Variants in CCDC148 observed in about 807,000 individuals in gnomAD.
CCDC148 encodes coiled-coil domain-containing protein 148.
In CCDC148, 89 loss-of-function variants were observed where a neutral mutation model predicts 85.7. That is an observed-to-expected ratio of 1.04 (90% CI 0.87 to 1.24). The LOEUF is 1.24. Among genes scored for constraint, CCDC148 ranks in the 50% most tolerant of loss-of-function variants. The pLI is 0.00. For missense variants in CCDC148, 692 were observed against 671.7 expected (o/e 1.03, Z -0.33); for synonymous variants, 230 against 213.9 (o/e 1.08, Z -0.66).
intron 1 of CCDC148, among the ~76,000 whole-genome samples, chr2:158,358,989 C>T (rs1393710993): frequency 6.6e-6 from 1 of 152,156 alleles, no homozygotes; most frequent in East Asian, 1.9e-4. Flanking sequence ...GTCATAGATG[C>T]ATTTTTAACT....
At chr2:158,413,341 A>G (rs1284290699) in intron 1 of CCDC148, among the ~76,000 whole-genome samples, 1 of 152,170 alleles carries the variant, frequency 6.6e-6, no homozygotes, top group African/African-American at 2.4e-5. Context: ...TGGTCACTTC[A>G]GTGGGCTATC....
At chr2:158,282,541 G>C (rs2105177342) in intron 9 of CCDC148, among the ~76,000 whole-genome samples, 2 of 152,206 alleles carry the variant, frequency 1.3e-5, no homozygotes, top group East Asian at 3.9e-4. Flanking sequence ...GCTTCAAAGA[G>C]AATAAAATAC....
At chr2:158,335,027 A>G (rs1415872603) in intron 7 of CCDC148, among the ~76,000 whole-genome samples, 1 of 152,132 alleles carries the variant, frequency 6.6e-6, no homozygotes, top group Non-Finnish European at 1.5e-5. Flanking sequence ...CTAGAAAGCC[A>G]AGTCACACTG....
At chr2:158,405,859 C>T (rs1285647503) in intron 1 of CCDC148, among the ~76,000 whole-genome samples, 14 of 151,944 alleles carry the variant, frequency 9.2e-5, no homozygotes, top group Admixed American at 9.2e-4. Context: ...GAAAGAATGG[C>T]TAGCATTCAT....
chr2:158,224,395 G>C (rs1377799701), intron 10 of CCDC148, among the ~76,000 whole-genome samples: 1 of 152,220 alleles, frequency 6.6e-6, no homozygotes, highest in African/African-American at 2.4e-5. Flanking sequence ...CACTCTGCAG[G>C]ATATTATCCA....
rs77205940 is a variant in CCDC148, at chr2:158,372,606, C to A, written c.26-14036G>T. 6.4e-3 allele frequency among the ~76,000 whole-genome samples: 981 copies of A among 152,096 alleles called. 14 individuals carry two copies. The highest frequency in any genetic ancestry group is 0.022 in the African/African-American group (933 of 41,532). On this transcript the variant is annotated intron_variant, in intron 1 of 13. Transcript: ENST00000283233. The stretch of plus-strand genomic sequence containing the variant: ...ACCTGCTTCCCCTTGGTCCCTTTTA[C>A]GCCTAACCTCTCTGACAGCTGCAGG...
intron 10 of CCDC148, among the ~76,000 whole-genome samples, chr2:158,247,443 C>T (rs965225914): frequency 6.6e-6 from 1 of 152,132 alleles, no homozygotes; most frequent in African/African-American, 2.4e-5. Flanking sequence ...CCTGAACACA[C>T]GCATCAGTAC....
chr2:158,284,449 G>T (rs1690517762), intron 9 of CCDC148, among the ~76,000 whole-genome samples: 2 of 151,664 alleles, frequency 1.3e-5, no homozygotes, highest in Admixed American at 6.6e-5. Flanking sequence ...TCTCCTTTTG[G>T]AAATTTGGAT....
chr2:158,172,252 G>A lies in CCDC148; in HGVS notation c.1637C>T (p.Ser546Phe). 6.3e-7 allele frequency: 1 copy of A among 1,596,112 alleles called. No individual in the cohort carries two copies. Among genetic ancestry groups the A allele is most frequent in the Non-Finnish European group, 8.5e-7 (1 of 1,171,168 alleles). The change falls in exon 14 of 14, where the codon TCT becomes TTT. Residue 546 changes from serine to phenylalanine, a missense_variant. Transcript: ENST00000283233. ...LNTYNEQQIISDPRLRFELAL... is the reference protein window; with the variant it reads ...LNTYNEQQIIFDPRLRFELAL... ...TAACTCGAAGCGAAGTCTAGGGTCAGAAATTATCTGTAGAAATAAAAATAC... is the reference window on the plus strand; with the variant it reads ...TAACTCGAAGCGAAGTCTAGGGTCAAAAATTATCTGTAGAAATAAAAATAC...
chr2:158,424,391 A>C (rs1226203277), intron 1 of CCDC148, among the ~76,000 whole-genome samples: 1 of 152,206 alleles, frequency 6.6e-6, no homozygotes, highest in African/African-American at 2.4e-5. Flanking sequence ...GCAGCCATAA[A>C]AAAGGATGAG....
At chr2:158,205,578 G>A (rs1004093121) in intron 11 of CCDC148, among the ~76,000 whole-genome samples, 2 of 152,184 alleles carry the variant, frequency 1.3e-5, no homozygotes, top group South Asian at 4.1e-4. Flanking sequence ...TAGGTAACTT[G>A]ACTAAGGTCA....
chr2:158,228,761 G>T (rs1364642454), intron 10 of CCDC148, among the ~76,000 whole-genome samples: 2 of 133,512 alleles, frequency 1.5e-5, no homozygotes, highest in Non-Finnish European at 3.1e-5. Context: ...TGAACAATGA[G>T]AACACATGGA....
At chr2:158,426,737 T>C (rs925241079) in intron 1 of CCDC148, among the ~76,000 whole-genome samples, 2 of 152,172 alleles carry the variant, frequency 1.3e-5, no homozygotes, top group Non-Finnish European at 1.5e-5. Context: ...AACCTGCCTT[T>C]TAAAAAAATT....
intron 9 of CCDC148, among the ~76,000 whole-genome samples, chr2:158,278,943 C>T (rs569096296): frequency 2.4e-4 from 36 of 152,262 alleles, no homozygotes; most frequent in African/African-American, 7.5e-4. Context: ...TCCAGAGGAA[C>T]GATCACACAG....
chr2:158,365,223 T>C (rs560771874), intron 1 of CCDC148, among the ~76,000 whole-genome samples: 2 of 152,288 alleles, frequency 1.3e-5, no homozygotes, highest in Non-Finnish European at 2.9e-5. Flanking sequence ...GTAAATTAGT[T>C]CAACCATTGT....
At chr2:158,216,435 C>T (rs1342585772) in intron 11 of CCDC148, among the ~76,000 whole-genome samples, 3 of 118,220 alleles carry the variant, frequency 2.5e-5, no homozygotes, top group African/African-American at 3.3e-5. Flanking sequence ...CTTGCTCTGT[C>T]GCCCAGGCTG....
intron 2 of CCDC148, among the ~76,000 whole-genome samples, chr2:158,351,623 C>T (rs1263435805): frequency 6.6e-6 from 1 of 152,214 alleles, no homozygotes; most frequent in African/African-American, 2.4e-5. Context: ...TGAGATCAAA[C>T]TGCAAGGCGG....
Position 158,345,235 on chromosome 2 carries a change from G to A in CCDC148, c.231C>T (p.Tyr77=). The A allele has an allele frequency of 1.9e-6, 3 of 1,613,126 alleles. No homozygotes were observed. Among genetic ancestry groups the A allele is most frequent in the Non-Finnish European group, 2.5e-6 (3 of 1,179,504 alleles). The part of the protein sequence containing the change: ...KQHKQVWWQE[Y]QRLNEVRCKM... Reference sequence around the variant, plus strand: ...CTTACCTGACTTCATTCAGCCTCTGGTATTCCTGCCACCACACTTGCTTGT... The same window carrying A: ...CTTACCTGACTTCATTCAGCCTCTGATATTCCTGCCACCACACTTGCTTGT... Residue 77 remains tyrosine (Y), a synonymous_variant, in exon 3 of 14, where the codon TAC becomes TAT. Transcript: ENST00000283233.
At chr2:158,402,483 T>G (rs1206565900) in intron 1 of CCDC148, among the ~76,000 whole-genome samples, 1 of 150,600 alleles carries the variant, frequency 6.6e-6, no homozygotes, top group Non-Finnish European at 1.5e-5. Flanking sequence ...GCTAAAGAGA[T>G]CAGTTTTCCT....
Sources: gnomAD v4.1 joint callset for allele counts (sites outside exome capture counted in the v4.1 genomes callset) on GRCh38, gnomAD v4.1.1 for gene constraint, MANE v1.5 for transcripts, NCBI Gene and HGNC (gene_info 2026-07-23, HGNC 2026-07-21) for gene names.